The following PPP1R9A variants were observed in gnomAD, a reference collection of about 807,000 sequenced individuals.
PPP1R9A encodes protein phosphatase 1 regulatory subunit 9A, also known as neurabin-1.
PPP1R9A carries 59 observed loss-of-function variants against 141.9 expected under a neutral mutation model. That is an observed-to-expected ratio of 0.42 (90% CI 0.34 to 0.52). The LOEUF is 0.52. Ranked by LOEUF, PPP1R9A falls within the 20% of genes least tolerant of loss-of-function variation. The pLI is 0.10. For synonymous variants in PPP1R9A, 500 were observed against 569.7 expected (o/e 0.88, Z 1.74); for missense variants, 1,444 against 1,611.9 (o/e 0.90, Z 1.78).
intron 4 of PPP1R9A, among the ~76,000 whole-genome samples, chr7:95,158,520 A>C (rs1322579877): frequency 1.3e-5 from 2 of 152,270 alleles, no homozygotes; most frequent in East Asian, 3.9e-4. Context: ...AAAATATAGA[A>C]TCTTTTTATA....
At chr7:95,003,333 G>A (rs1398265809) in intron 2 of PPP1R9A, among the ~76,000 whole-genome samples, 1 of 151,934 alleles carries the variant, frequency 6.6e-6, no homozygotes, top group Non-Finnish European at 1.5e-5. Flanking sequence ...AAATAAACAA[G>A]GAAATAAAAT....
chr7:94,969,480 C>G (rs1798616560), intron 2 of PPP1R9A, among the ~76,000 whole-genome samples: 2 of 152,176 alleles, frequency 1.3e-5, no homozygotes, highest in South Asian at 4.2e-4. Context: ...TGGAGGCTGT[C>G]AAACAGCAAA....
chr7:94,964,733 A>T (rs1378805373), intron 2 of PPP1R9A, among the ~76,000 whole-genome samples: 4 of 152,210 alleles, frequency 2.6e-5, no homozygotes, highest in Admixed American at 2.6e-4. Flanking sequence ...CCAGTCTGTC[A>T]TTGATGGGCA....
At chr7:95,222,673 A>G (rs192378695) in intron 7 of PPP1R9A, among the ~76,000 whole-genome samples, 1 of 152,176 alleles carries the variant, frequency 6.6e-6, no homozygotes, top group East Asian at 1.9e-4. Flanking sequence ...GTTACTTGAA[A>G]GATTTTTAAT....
Position 95,269,021 on chromosome 7 carries a change from G to A in PPP1R9A, c.2824-186G>A, listed in dbSNP as rs548862699. Among the ~76,000 whole-genome samples the A allele has an allele frequency of 1.3e-4, 20 of 152,220 alleles. No homozygotes were observed. In the Middle Eastern group the frequency reaches 0.01, roughly 78 times the overall value. ...AAGTAATTGTTTCTGTAGGTCTTAG[G>A]TATATGTATTAGTGACGATGTTAAT... On this transcript the variant is annotated intron_variant, in intron 13 of 19. Coordinates refer to ENST00000433360, the MANE Select transcript of PPP1R9A (RefSeq NM_001166160.2).
chr7:94,949,996 G>A (rs1201616361), intron 2 of PPP1R9A, among the ~76,000 whole-genome samples: 1 of 148,938 alleles, frequency 6.7e-6, no homozygotes, highest in African/African-American at 2.5e-5. Context: ...AAACTTTTTG[G>A]TGTCAAGACC....
chr7:95,084,478 AT>A (rs1816338299), intron 2 of PPP1R9A, among the ~76,000 whole-genome samples: 1 of 151,930 alleles, frequency 6.6e-6, no homozygotes, highest in Non-Finnish European at 1.5e-5. Context: ...TAAAATTTTA[AT>A]TTTTTTCATG....
chr7:94,963,729 T>C (rs912660428), intron 2 of PPP1R9A, among the ~76,000 whole-genome samples: 3 of 152,208 alleles, frequency 2.0e-5, no homozygotes, highest in African/African-American at 7.2e-5. Flanking sequence ...TTTTGAAGTT[T>C]TGAATATTTG....
At chr7:95,287,781 A>T (rs570926737) in intron 18 of PPP1R9A, among the ~76,000 whole-genome samples, 1 of 152,080 alleles carries the variant, frequency 6.6e-6, no homozygotes, top group Non-Finnish European at 1.5e-5. Context: ...CACCTCCTGG[A>T]TTCAAGCGAT....
chr7:95,108,561 C>A (rs1584729554), intron 2 of PPP1R9A, among the ~76,000 whole-genome samples: 1 of 151,800 alleles, frequency 6.6e-6, no homozygotes, highest in African/African-American at 2.4e-5. Flanking sequence ...CTGCCCACCT[C>A]GGCCTCCCAA....
chr7:95,023,416 A>C (rs1166236671), intron 2 of PPP1R9A, among the ~76,000 whole-genome samples: 1 of 152,064 alleles, frequency 6.6e-6, no homozygotes, highest in Non-Finnish European at 1.5e-5. Context: ...TGATCTTTTC[A>C]AAAATGCAGC....
chr7:95,058,730 G>A (rs917152698), intron 2 of PPP1R9A, among the ~76,000 whole-genome samples: 1 of 152,064 alleles, frequency 6.6e-6, no homozygotes, highest in Non-Finnish European at 1.5e-5. Flanking sequence ...GGGATCGGGG[G>A]TGGAGCGGGG....
At chr7:95,003,668 G>A (rs940674453) in intron 2 of PPP1R9A, among the ~76,000 whole-genome samples, 1 of 152,054 alleles carries the variant, frequency 6.6e-6, no homozygotes, top group Non-Finnish European at 1.5e-5. Flanking sequence ...CTCAACCCTG[G>A]CTACTCTTTA....
Position 95,268,580 on chromosome 7 carries a change from G to A in PPP1R9A, c.2696G>A (p.Arg899His), listed in dbSNP as rs372820941. Residue 899 changes from arginine (R) to histidine (H), a missense_variant, in exon 13 of 20, where the codon CGC (arginine) becomes CAC (histidine). Arg to His is a conservative substitution (Grantham distance 29). Around this residue, in one of 5 missense-constraint regions of PPP1R9A, gnomAD observed 488 missense variants for 542.0 expected, o/e 0.90. Coordinates refer to ENST00000433360, the MANE Select transcript of PPP1R9A (RefSeq NM_001166160.2). ...DLNEAVPETE[R>H]LDSKALKTRA... ...AATGAAGCAGTCCCAGAGACAGAGC[G>A]CCTGGATTCAAAAGCACTGAAAACT... The A allele has an allele frequency of 1.2e-5, 19 of 1,613,138 alleles. No individual in the cohort carries two copies. The highest frequency in any genetic ancestry group is 1.7e-5 in the Admixed American group (1 of 59,940).
chr7:95,220,342 G>A (rs1395153932), intron 7 of PPP1R9A, among the ~76,000 whole-genome samples: 2 of 152,000 alleles, frequency 1.3e-5, no homozygotes, highest in Admixed American at 6.6e-5. Flanking sequence ...ATTCAAATCC[G>A]GTAAACAAAT....
intron 2 of PPP1R9A, among the ~76,000 whole-genome samples, chr7:94,984,301 C>T (rs925587167): frequency 1.3e-4 from 19 of 151,944 alleles, no homozygotes; most frequent in African/African-American, 4.6e-4. Context: ...TCTTTTTTTG[C>T]TGTGTCTCTG....
At chr7:95,216,327 G>A (rs1484097271) in intron 7 of PPP1R9A, among the ~76,000 whole-genome samples, 2 of 152,118 alleles carry the variant, frequency 1.3e-5, no homozygotes, top group Non-Finnish European at 2.9e-5. Context: ...TGGTCTATAT[G>A]TCTGTTTTGG....
chr7:94,986,593 T>G (rs532670666), intron 2 of PPP1R9A, among the ~76,000 whole-genome samples: 1 of 152,324 alleles, frequency 6.6e-6, no homozygotes, highest in East Asian at 1.9e-4. Context: ...AGTGTATATT[T>G]TCAAAAAGCT....
At chr7:94,943,913 A>G (rs532398538) in intron 2 of PPP1R9A, among the ~76,000 whole-genome samples, 74 of 152,272 alleles carry the variant, frequency 4.9e-4, no homozygotes, top group African/African-American at 1.7e-3. Flanking sequence ...TTTTAAAAAT[A>G]TAGTCAGTTT....
Sources: gnomAD v4.1 joint callset for allele counts (sites outside exome capture counted in the v4.1 genomes callset) on GRCh38, gnomAD v4.1.1 for gene constraint, gnomAD v4.1.1 regional missense constraint, MANE v1.5 for transcripts, NCBI Gene and HGNC (gene_info 2026-07-23, HGNC 2026-07-21) for gene names.